The following WDR59 variants were observed in gnomAD, a reference collection of about 807,000 sequenced individuals.
The protein encoded by WDR59 is WD repeat domain 59.
Under a neutral mutation model 131.2 loss-of-function variants are expected in WDR59, and 100 were observed. That is an observed-to-expected ratio of 0.76 (90% confidence interval 0.65 to 0.90). The LOEUF is 0.90. WDR59 is among the 40% of genes least tolerant of loss of function. The pLI is 0.00. For missense variants in WDR59, 1,203 were observed against 1,262.2 expected (o/e 0.95, Z 0.71); for synonymous variants, 601 against 466.2 (o/e 1.29, Z -3.72).
chr16:74,961,946 C>T (rs112311188), intron 2 of WDR59, among the ~76,000 whole-genome samples: 6,784 of 152,048 alleles, frequency 0.045, 222 homozygotes, highest in Middle Eastern at 0.13. Context: ...GTCTTTAATC[C>T]ATCTTGAGTT....
At chr16:74,919,114 C>T (rs1362577070) in intron 10 of WDR59, among the ~76,000 whole-genome samples, 3 of 152,110 alleles carry the variant, frequency 2.0e-5, no homozygotes, top group Non-Finnish European at 2.9e-5. Context: ...ACCTGTGCCT[C>T]CCCCGCTGGT....
chr16:74,943,042 G>A (rs2032351570), intron 6 of WDR59, among the ~76,000 whole-genome samples: 1 of 152,142 alleles, frequency 6.6e-6, no homozygotes, highest in Admixed American at 6.6e-5. Flanking sequence ...CCTAATTGAG[G>A]AAATAATCTC....
intron 17 of WDR59, 125 bp from the exon 18 acceptor site, chr16:74,904,225 GAAGTC>G (rs958687390): frequency 8.1e-7 from 1 of 1,228,532 alleles, no homozygotes; most frequent in Non-Finnish European, 1.1e-6. Flanking sequence ...TCCAGAAAAA[GAAGTC>G]AATAAAACTT....
chr16:74,916,120 A>G lies in WDR59; in HGVS notation c.1099+7T>C, dbSNP rs1457470894. On this transcript the variant is annotated splice_region_variant and intron_variant, in intron 12 of 25. Transcript: ENST00000262144. ...ACCTTACCTGAGACATCAGTTTGAC[A>G]AATTACCTTCTTCCTCCCCATGGCT... The G allele has an allele frequency of 6.2e-7, 1 of 1,614,060 alleles. No individual in the cohort carries two copies. The highest frequency in any genetic ancestry group is 8.5e-7 in the Non-Finnish European group (1 of 1,180,036).
intron 9 of WDR59, 75 bp from the exon 10 acceptor site, chr16:74,922,178 T>C: frequency 1.9e-6 from 3 of 1,558,640 alleles, no homozygotes; most frequent in Non-Finnish European, 2.6e-6. Flanking sequence ...TTTCCAAACC[T>C]GGAATTCTTC....
At chr16:74,930,134 C>A (rs1331690926) in intron 8 of WDR59, among the ~76,000 whole-genome samples, 2 of 152,028 alleles carry the variant, frequency 1.3e-5, no homozygotes, top group South Asian at 2.1e-4. Context: ...TTTGACAACA[C>A]AACAGGGTGA....
intron 10 of WDR59, among the ~76,000 whole-genome samples, chr16:74,920,296 T>C (rs988889552): frequency 6.6e-6 from 1 of 152,168 alleles, no homozygotes; most frequent in African/African-American, 2.4e-5. Flanking sequence ...AAATAGGCTT[T>C]GTATTAGAGG....
At chr16:74,978,372 G>A (rs570422984) in intron 1 of WDR59, among the ~76,000 whole-genome samples, 1 of 149,246 alleles carries the variant, frequency 6.7e-6, no homozygotes, top group Non-Finnish European at 1.5e-5. Context: ...TATGCCTGTC[G>A]ACTCAGTTAT....
intron 18 of WDR59, among the ~76,000 whole-genome samples, chr16:74,900,237 T>TG (rs531260124): frequency 2.0e-5 from 3 of 151,964 alleles, no homozygotes; most frequent in African/African-American, 7.3e-5. Flanking sequence ...GGTAAGTGTT[T>TG]GGGGGGTGAT....
chr16:74,916,982 T>C (rs1966420373), intron 11 of WDR59, among the ~76,000 whole-genome samples: 1 of 152,204 alleles, frequency 6.6e-6, no homozygotes, highest in Non-Finnish European at 1.5e-5. Context: ...AGTGACTTCA[T>C]ACTAAGCAGT....
At chr16:74,976,825 C>T (rs2034206120) in intron 1 of WDR59, among the ~76,000 whole-genome samples, 1 of 152,038 alleles carries the variant, frequency 6.6e-6, no homozygotes. Context: ...CGAGACCAGC[C>T]TGGCCAACAT....
At position 74,921,918 on chromosome 16, in the gene WDR59, A is replaced by T. The variant is rs1227607950; in HGVS notation, c.886+29T>A. 2.5e-6 allele frequency: 4 copies of T among 1,608,102 alleles called. No individual in the cohort carries two copies. In the Admixed American group the frequency reaches 5.0e-5, roughly 20 times the overall value. On this transcript the variant is annotated intron_variant, in intron 10 of 25. Coordinates refer to ENST00000262144, the MANE Select transcript of WDR59 (RefSeq NM_030581.4). Reference sequence around the variant, plus strand: ...ACCGCTGTCACCAGAGCTCAGAAGGAAAGTGGGCAGCAGGCCTCTCCCACT... The same window carrying T: ...ACCGCTGTCACCAGAGCTCAGAAGGTAAGTGGGCAGCAGGCCTCTCCCACT...
intron 25 of WDR59, among the ~76,000 whole-genome samples, chr16:74,885,135 T>A (rs752039479): frequency 6.6e-6 from 1 of 152,152 alleles, no homozygotes; most frequent in Non-Finnish European, 1.5e-5. Flanking sequence ...GAGTACTGTA[T>A]ATCAACTACT....
intron 18 of WDR59, among the ~76,000 whole-genome samples, chr16:74,901,125 C>T (rs960108250): frequency 6.6e-6 from 1 of 152,026 alleles, no homozygotes; most frequent in Non-Finnish European, 1.5e-5. Flanking sequence ...AAACTCTATA[C>T]TGGCTGGGTG....
At chr16:74,961,269 C>A (rs557284478) in intron 2 of WDR59, among the ~76,000 whole-genome samples, 1 of 152,144 alleles carries the variant, frequency 6.6e-6, no homozygotes, top group South Asian at 2.1e-4. Flanking sequence ...GATCTGCATT[C>A]CAGCCTAGGC....
intron 20 of WDR59, among the ~76,000 whole-genome samples, chr16:74,890,974 C>CA (rs1186493356): frequency 3.9e-5 from 6 of 151,948 alleles, no homozygotes; most frequent in Admixed American, 6.6e-5. Flanking sequence ...ATTAGCTGGG[C>CA]ATGGTGGCAC....
At chr16:74,946,937 A>AT (rs35277472) in intron 6 of WDR59, among the ~76,000 whole-genome samples, 50,808 of 152,024 alleles carry the variant, frequency 0.33, 9,921 homozygotes, top group East Asian at 0.73. Flanking sequence ...TAAGAGACAG[A>AT]TAACACATGC....
Position 74,888,152 on chromosome 16 carries a change from G to GAAAAGGAC in WDR59, c.2346+9_2346+16dup. On this transcript the variant is annotated intron_variant, in intron 22 of 25. Transcript: ENST00000262144. ...AAAAAAAAAAAATCAGACAAAACCA[G>GAAAAGGAC]AAAAGGACAAACTTACATATCGACT... The GAAAAGGAC allele has an allele frequency of 6.5e-7, 1 of 1,537,878 alleles. No individual in the cohort carries two copies. The highest frequency in any genetic ancestry group is 1.2e-5 in the South Asian group (1 of 80,614).
intron 5 of WDR59, 144 bp from the exon 6 acceptor site, chr16:74,948,700 A>C: frequency 1.4e-6 from 1 of 721,746 alleles, no homozygotes; most frequent in Admixed American, 2.1e-5. Context: ...CTTAAAAAGA[A>C]GTCTAAAGAG....
Sources: gnomAD v4.1 joint callset for allele counts (sites outside exome capture counted in the v4.1 genomes callset) on GRCh38, gnomAD v4.1.1 for gene constraint, MANE v1.5 for transcripts, NCBI Gene and HGNC (gene_info 2026-07-23, HGNC 2026-07-21) for gene names.